The following TXLNG variants were observed in gnomAD, a reference collection of about 807,000 sequenced individuals.
The protein encoded by TXLNG is gamma-taxilin.
Under a neutral mutation model 38.8 loss-of-function variants are expected in TXLNG, and 5 were observed. The ratio of observed to expected loss-of-function variants is 0.13; its 90% CI spans 0.07 to 0.27. The LOEUF is 0.27. TXLNG is among the 10% of genes least tolerant of loss of function. The pLI, the probability that TXLNG is intolerant of heterozygous loss-of-function variation, is 1.00. For missense variants in TXLNG, 393 were observed against 398.2 expected (o/e 0.99, Z 0.11); for synonymous variants, 182 against 158.2 (o/e 1.15, Z -1.13).
rs186195156 is a variant in TXLNG at position 16,819,930 on chromosome X, C to A, written c.407-234C>A. Among the ~76,000 whole-genome samples, 3 of 111,460 alleles carry A rather than the reference C, an allele frequency of 2.7e-5. No individual in the cohort carries two copies. The East Asian group carries it at 8.4e-4, about 31-fold the overall frequency. On this transcript the variant is annotated intron_variant, in intron 2 of 9. Coordinates refer to ENST00000380122, the MANE Select transcript of TXLNG (RefSeq NM_018360.3). ...AACAAGAGTTCTTATAAATAGCTCG[C>A]AGTGTTAGTGAATGAGTTAAGAAAT...
chrX:16,837,589 A>G lies in TXLNG; in HGVS notation c.1060-4A>G. The G allele has an allele frequency of 1.7e-6, 2 of 1,188,316 alleles. No homozygotes were observed. Among genetic ancestry groups the G allele is most frequent in the Non-Finnish European group, 1.1e-6 (1 of 881,199 alleles). On this transcript the variant is annotated splice_region_variant and splice_polypyrimidine_tract_variant and intron_variant, in intron 7 of 9. Coordinates refer to ENST00000380122, the MANE Select transcript of TXLNG (RefSeq NM_018360.3). ...CAGAATGTTTCATACTTTTTTTCCTATAGCTTTCTCTTTATATGGATAAGT... is the reference window on the plus strand; with the variant it reads ...CAGAATGTTTCATACTTTTTTTCCTGTAGCTTTCTCTTTATATGGATAAGT...
chrX:16,844,399 T>C lies in TXLNG; in HGVS notation c.*2633T>C, dbSNP rs1378451384. The C allele has an allele frequency of 8.9e-6, 1 of 112,474 alleles. No homozygotes were observed. The highest frequency in any genetic ancestry group is 1.9e-5 in the Non-Finnish European group (1 of 53,333). The allele number at this position is 112,474 out of a possible 1,213,427, so 9.3% of individuals were successfully genotyped here. A position where few individuals can be genotyped will look rare whatever the true frequency, so the allele number is the denominator to read the frequency against. On this transcript the variant is annotated 3_prime_UTR_variant, in exon 10 of 10. Transcript: ENST00000380122. ...CCACGTCTTTCATGAGGATACGAAT[T>C]GTTAAGAGGCAGTCTCGTTTTGCTT...
At chrX:16,841,364 C>A (rs1460064607) in intron 9 of TXLNG, 64 bp from the exon 10 acceptor site, 23 of 1,062,778 alleles carry the variant, frequency 2.2e-5, no homozygotes, top group Non-Finnish European at 2.3e-5. Flanking sequence ...GCTGAGCTGG[C>A]TTAATTTTTT....
At chrX:16,803,828 T>A (rs376072284) in intron 1 of TXLNG, among the ~76,000 whole-genome samples, 72 of 109,850 alleles carry the variant, frequency 6.6e-4, no homozygotes, top group African/African-American at 2.3e-3. Flanking sequence ...GGCGCACGCC[T>A]GTAATCTCAG....
chrX:16,806,520 G>A (rs771384412), intron 1 of TXLNG, among the ~76,000 whole-genome samples: 4 of 112,504 alleles, frequency 3.6e-5, no homozygotes, highest in South Asian at 3.6e-4. Context: ...GGTGGCTCAC[G>A]CCTGTAATTC....
At chrX:16,803,216 G>A (rs1928179819) in intron 1 of TXLNG, 1 of 111,619 alleles carries the variant, frequency 9.0e-6, no homozygotes, top group South Asian at 3.6e-4. Flanking sequence ...CCTTACAGAT[G>A]TGGCACGGAT....
chrX:16,797,700 G>A (rs1246191030), intron 1 of TXLNG, among the ~76,000 whole-genome samples: 8 of 112,267 alleles, frequency 7.1e-5, no homozygotes, highest in Non-Finnish European at 1.3e-4. Context: ...CTTTTGTATC[G>A]TAATCATAGA....
At chrX:16,812,913 C>T (rs964673408) in intron 1 of TXLNG, among the ~76,000 whole-genome samples, 7 of 108,263 alleles carry the variant, frequency 6.5e-5, no homozygotes, top group African/African-American at 2.4e-4. Context: ...GTTGATCAGG[C>T]TAGTCTCGAA....
chrX:16,818,832 G>C lies in TXLNG; in HGVS notation c.361G>C (p.Gly121Arg). The C allele has an allele frequency of 8.3e-7, 1 of 1,210,670 alleles. No individual in the cohort carries two copies. The highest frequency in any genetic ancestry group is 2.2e-5 in the Admixed American group (1 of 45,836). Residue 121 changes from glycine (G) to arginine (R), a missense_variant, in exon 2 of 10, where the codon GGT becomes CGT. Physicochemically the swap from Gly to Arg is moderately radical, Grantham distance 125 (BLOSUM62 -2). Transcript: ENST00000380122. ...GGEARTDPPD[G>R]QQDSECNRNK... ...AGAAGCTCGAACAGATCCCCCTGAT[G>C]GTCAGCAAGATTCAGAGTGCAACAG... is the stretch of plus-strand genomic sequence containing the variant.
chrX:16,795,059 C>G (rs1027809801), intron 1 of TXLNG, among the ~76,000 whole-genome samples: 11 of 110,543 alleles, frequency 1.0e-4, no homozygotes, highest in African/African-American at 3.3e-4. Flanking sequence ...AGGCGGATCA[C>G]GAGGTCAGGA....
At position 16,834,850 on chromosome X, in the gene TXLNG, G is replaced by A. The variant is rs187297901; in HGVS notation, c.1059+493G>A. ...TATAGTGAACTCTAATATCTTTAGA[G>A]TTTTGTGCTATAAGCACGTAAGTTG... On this transcript the variant is annotated intron_variant, in intron 7 of 9. Transcript: ENST00000380122. 1.7e-4 allele frequency among the ~76,000 whole-genome samples: 19 copies of A among 112,601 alleles called. 1 individual carries two copies. Among genetic ancestry groups the A allele is most frequent in the African/African-American group, 6.1e-4 (19 of 31,040 alleles).
At chrX:16,834,506 C>T (rs1929522971) in intron 7 of TXLNG, 149 bp downstream of exon 7, 1 of 397,905 alleles carries the variant, frequency 2.5e-6, no homozygotes, top group East Asian at 4.5e-5. Context: ...TCTCATGGCC[C>T]TCTTGGTATT....
At chrX:16,798,379 G>A (rs1927961362) in intron 1 of TXLNG, among the ~76,000 whole-genome samples, 1 of 111,757 alleles carries the variant, frequency 8.9e-6, no homozygotes, top group African/African-American at 3.2e-5. Context: ...AACAAGTACT[G>A]TTGTTTGCTT....
chrX:16,817,477 C>G (rs963440564), intron 1 of TXLNG, among the ~76,000 whole-genome samples: 3 of 112,007 alleles, frequency 2.7e-5, no homozygotes, highest in Non-Finnish European at 5.6e-5. Flanking sequence ...TGATTATAAC[C>G]TAAAATCTCA....
chrX:16,808,256 A>G (rs1928397442), intron 1 of TXLNG, among the ~76,000 whole-genome samples: 1 of 111,894 alleles, frequency 8.9e-6, no homozygotes, highest in African/African-American at 3.3e-5. Flanking sequence ...AAAGGTACAC[A>G]TGCTGCTCAC....
intron 1 of TXLNG, among the ~76,000 whole-genome samples, chrX:16,818,251 CTG>C (rs1296513757): frequency 9.0e-6 from 1 of 111,406 alleles, no homozygotes; most frequent in African/African-American, 3.3e-5. Flanking sequence ...TATTCATTAA[CTG>C]GGGACAGTTT....
In TXLNG at chrX:16,797,669, G is replaced by GA. The variant is rs748394949; in HGVS notation, c.102+11083dup. Among the ~76,000 whole-genome samples, 354 of 112,101 alleles carry GA rather than the reference G, an allele frequency of 3.2e-3. 4 individuals carry two copies. The highest frequency in any genetic ancestry group is 0.011 in the African/African-American group (341 of 30,906). The stretch of plus-strand genomic sequence containing the variant: ...AGTGAGTAAGAGAGAGTGCCAGCAT[G>GA]AAAGAGAAGGAAGTTGCAGTCTTTT... On this transcript the variant is annotated intron_variant, in intron 1 of 9. Coordinates refer to ENST00000380122, the MANE Select transcript of TXLNG (RefSeq NM_018360.3).
chrX:16,792,040 A>G (rs1292293022), intron 1 of TXLNG, among the ~76,000 whole-genome samples: 2 of 112,545 alleles, frequency 1.8e-5, no homozygotes, highest in African/African-American at 6.4e-5. Context: ...TTAAATAGAT[A>G]TGCTGTCACA....
rs763664495 is a variant in TXLNG at position 16,820,152 on chromosome X, G to A, written c.407-12G>A. On this transcript the variant is annotated splice_polypyrimidine_tract_variant and intron_variant, in intron 2 of 9. Transcript: ENST00000380122. ...TCTTCTGGGACTTATTTCTTTTCTTGTTAACCATCAGGAAAAGAAGTTTTA... is the reference window on the plus strand; with the variant it reads ...TCTTCTGGGACTTATTTCTTTTCTTATTAACCATCAGGAAAAGAAGTTTTA... 2.5e-6 allele frequency: 3 copies of A among 1,184,870 alleles called. No homozygotes were observed. In the South Asian group the frequency reaches 5.5e-5, roughly 22 times the overall value.
Sources: allele counts gnomAD v4.1 joint callset (sites outside exome capture counted in the v4.1 genomes callset), GRCh38; gene constraint gnomAD v4.1.1; transcripts MANE v1.5; gene names NCBI Gene and HGNC (gene_info 2026-07-23, HGNC 2026-07-21).